The following PPM1H variants were observed in gnomAD, a reference collection of about 807,000 sequenced individuals.
PPM1H encodes protein phosphatase, Mg2+/Mn2+ dependent 1H, also known as protein phosphatase 1H.
Under a neutral mutation model 54.9 loss-of-function variants are expected in PPM1H, and 27 were observed. That is an observed-to-expected ratio of 0.49 (90% confidence interval 0.36 to 0.68). PPM1H has a LOEUF of 0.68. PPM1H is among the 30% of genes least tolerant of loss of function. The pLI is 0.00. For synonymous variants in PPM1H, 305 were observed against 270.8 expected (o/e 1.13, Z -1.24); for missense variants, 596 against 667.8 (o/e 0.89, Z 1.19).
At chr12:62,856,051 C>G (rs1048008034) in intron 1 of PPM1H, among the ~76,000 whole-genome samples, 4 of 152,222 alleles carry the variant, frequency 2.6e-5, no homozygotes, top group African/African-American at 9.6e-5. Context: ...ATTCTTGGCT[C>G]TGTGCAAGCA....
intron 7 of PPM1H, among the ~76,000 whole-genome samples, chr12:62,690,203 C>T (rs1315260155): frequency 1.3e-5 from 2 of 152,072 alleles, no homozygotes; most frequent in East Asian, 3.9e-4. Flanking sequence ...CATCCATCCA[C>T]CCACCCATCC....
intron 1 of PPM1H, among the ~76,000 whole-genome samples, chr12:62,902,113 A>C (rs987165538): frequency 2.6e-5 from 4 of 152,150 alleles, no homozygotes; most frequent in Admixed American, 6.5e-5. Context: ...CTGTAATCCC[A>C]GCACTTTGGG....
intron 1 of PPM1H, among the ~76,000 whole-genome samples, chr12:62,834,837 G>A (rs147130240): frequency 4.7e-4 from 72 of 152,194 alleles, no homozygotes; most frequent in Non-Finnish European, 3.8e-4. Flanking sequence ...GCCTCCTCTC[G>A]GTCACTGGTG....
intron 4 of PPM1H, among the ~76,000 whole-genome samples, chr12:62,762,500 G>A (rs930647732): frequency 2.0e-5 from 3 of 152,218 alleles, no homozygotes; most frequent in Non-Finnish European, 4.4e-5. Context: ...CCTGACAGCA[G>A]TAACTTATGC....
chr12:62,817,312 A>G (rs2076875956), intron 2 of PPM1H, among the ~76,000 whole-genome samples: 1 of 151,476 alleles, frequency 6.6e-6, no homozygotes, highest in Admixed American at 6.6e-5. Flanking sequence ...AATACAAAAA[A>G]TTAGCCGGGC....
At position 62,689,171 on chromosome 12, in the gene PPM1H, G is replaced by T. The variant is rs959905498; in HGVS notation, c.1245+528C>A. On this transcript the variant is annotated intron_variant, in intron 8 of 9. Coordinates refer to ENST00000228705, the MANE Select transcript of PPM1H (RefSeq NM_020700.2). ...CTAAGCTAAACTCCAGAGAAAAAAA[G>T]AATTTGGATGTTTGGAGTTGGGGAG... Among the ~76,000 whole-genome samples the T allele has an allele frequency of 2.0e-5, 3 of 152,204 alleles. No individual in the cohort carries two copies. The East Asian group carries it at 5.8e-4, about 29-fold the overall frequency.
At chr12:62,775,432 G>A (rs12305407) in intron 4 of PPM1H, among the ~76,000 whole-genome samples, 28,322 of 152,066 alleles carry the variant, frequency 0.19, 3,105 homozygotes, top group African/African-American at 0.3. Context: ...GAGAATTTGT[G>A]TAAGATTCTA....
rs1042632710 is a variant in PPM1H, at chr12:62,646,449, A to C, written c.*2040T>G. On this transcript the variant is annotated 3_prime_UTR_variant, in exon 10 of 10. Transcript: ENST00000228705. ...CAAAGACGGCAGCTCAGGGTCCTCC[A>C]CGGAAGACTTGCTCAGGTTTCCTAC... The C allele has an allele frequency of 4.6e-5, 7 of 152,266 alleles. No individual in the cohort carries two copies. The highest frequency in any genetic ancestry group is 1.7e-4 in the African/African-American group (7 of 41,452). 9.4% of individuals were successfully genotyped at this position (152,266 alleles called of 1,614,324 possible).
At chr12:62,895,772 T>C (rs1324375336) in intron 1 of PPM1H, among the ~76,000 whole-genome samples, 1 of 152,178 alleles carries the variant, frequency 6.6e-6, no homozygotes, top group Non-Finnish European at 1.5e-5. Flanking sequence ...TCTGTGCATA[T>C]GCAGGCTCCC....
Position 62,846,512 on chromosome 12 carries a change from A to AAT in PPM1H, c.246-14234_246-14233insAT, listed in dbSNP as rs1491275246. 3.4e-3 allele frequency among the ~76,000 whole-genome samples: 489 copies of AAT among 145,832 alleles called. 1 individual carries two copies. Among genetic ancestry groups the AAT allele is most frequent in the African/African-American group, 0.012 (469 of 39,850 alleles). ...GAGATTCCGCCTCAAAAAAAAAAAA[A>AAT]TTTTTTTTTTTTTTAACTTTTTAGC... On this transcript the variant is annotated intron_variant, in intron 1 of 9. Transcript: ENST00000228705.
intron 9 of PPM1H, among the ~76,000 whole-genome samples, chr12:62,652,083 C>T (rs1377261831): frequency 2.0e-5 from 3 of 152,166 alleles, no homozygotes; most frequent in Admixed American, 6.5e-5. Flanking sequence ...TGGAACATCC[C>T]CAGCTATCAT....
intron 2 of PPM1H, among the ~76,000 whole-genome samples, chr12:62,814,702 G>A (rs2076855345): frequency 6.6e-6 from 1 of 152,126 alleles, no homozygotes; most frequent in South Asian, 2.1e-4. Flanking sequence ...TCAACAGCAG[G>A]AAAGGCCTAT....
intron 1 of PPM1H, among the ~76,000 whole-genome samples, chr12:62,911,742 C>T (rs1871466402): frequency 6.6e-6 from 1 of 152,228 alleles, no homozygotes; most frequent in Admixed American, 6.5e-5. Context: ...ATCATCTACT[C>T]CATCACCTGT....
intron 4 of PPM1H, chr12:62,755,336 T>C: frequency 8.7e-7 from 1 of 1,151,398 alleles, no homozygotes; most frequent in Non-Finnish European, 1.3e-6. Flanking sequence ...GACCCCTTCA[T>C]TGACCTCAAC....
At chr12:62,680,300 C>CCTCTCTCTCTTGCTTT (rs1478969295) in intron 8 of PPM1H, among the ~76,000 whole-genome samples, 1 of 143,396 alleles carries the variant, frequency 7.0e-6, no homozygotes, top group Admixed American at 7.0e-5. Flanking sequence ...TTACTTCCTT[C>CCTCTCTCTCTTGCTTT]CTCTCTCTCT....
At chr12:62,663,324 A>C (rs1302295633) in intron 9 of PPM1H, among the ~76,000 whole-genome samples, 1 of 145,284 alleles carries the variant, frequency 6.9e-6, no homozygotes, top group East Asian at 2.0e-4. Flanking sequence ...GAAAATCTGC[A>C]ATTCTCTTTT....
At chr12:62,881,949 TCTAGTAGCTA>T (rs766076170) in intron 1 of PPM1H, among the ~76,000 whole-genome samples, 13 of 152,166 alleles carry the variant, frequency 8.5e-5, no homozygotes, top group Non-Finnish European at 1.9e-4. Flanking sequence ...TCCTGTCCAA[TCTAGTAGCTA>T]CCAGCTACAT....
chr12:62,780,840 T>C (rs34206899), intron 4 of PPM1H, among the ~76,000 whole-genome samples: 11,474 of 152,208 alleles, frequency 0.075, 496 homozygotes, highest in South Asian at 0.17. Context: ...CAAAGTTTCC[T>C]CCTGGCACTG....
At chr12:62,721,054 A>G (rs1277357181) in intron 5 of PPM1H, 1 of 152,304 alleles carries the variant, frequency 6.6e-6, no homozygotes, top group East Asian at 1.9e-4. Flanking sequence ...GAAGCTGTCT[A>G]CCTGCTTCTG....
Sources: gnomAD v4.1 joint callset for allele counts (sites outside exome capture counted in the v4.1 genomes callset) on GRCh38, gnomAD v4.1.1 for gene constraint, MANE v1.5 for transcripts, NCBI Gene and HGNC (gene_info 2026-07-23, HGNC 2026-07-21) for gene names.